MTCL2: variants seen among roughly 807,000 people sequenced by gnomAD.
The protein encoded by MTCL2 is microtubule crosslinking factor 2.
the MTCL2 span, among the ~76,000 whole-genome samples, chr20:36,790,580 G>T: frequency 2.0e-5 from 3 of 151,490 alleles, no homozygotes; most frequent in Non-Finnish European, 4.4e-5. Context: ...GACTATAGGC[G>T]CATGCTGCCA....
the MTCL2 span, chr20:36,812,683 C>T: frequency 6.2e-7 from 1 of 1,611,678 alleles, no homozygotes; most frequent in Non-Finnish European, 8.5e-7. Flanking sequence ...CAATCCCATG[C>T]TTGCTCAGGC....
the MTCL2 span, chr20:36,859,863 G>A: frequency 4.5e-4 from 560 of 1,231,632 alleles, no homozygotes; most frequent in Admixed American, 1.5e-3. Flanking sequence ...CAGAAAGGCA[G>A]AAAACACATC....
the MTCL2 span, chr20:36,804,837 G>C: frequency 6.2e-7 from 1 of 1,613,984 alleles, no homozygotes; most frequent in Admixed American, 1.7e-5. Context: ...GTTCATCCCG[G>C]AGCAGCCAGC....
the MTCL2 span, among the ~76,000 whole-genome samples, chr20:36,851,420 C>T: frequency 6.6e-6 from 1 of 152,224 alleles, no homozygotes. Context: ...GCCCCGTCCA[C>T]TTCTCCATCT....
At chr20:36,780,310 G>C in the MTCL2 span, 1 of 152,116 alleles carries the variant, frequency 6.6e-6, no homozygotes, top group African/African-American at 2.4e-5. Context: ...GGGGACAGGG[G>C]GAGTGGGGAG....
chr20:36,799,554 TAG>T, the MTCL2 span, among the ~76,000 whole-genome samples: 1 of 151,442 alleles, frequency 6.6e-6, no homozygotes, highest in Non-Finnish European at 1.5e-5. Context: ...CCAGGCATGG[TAG>T]AGTGTGCTCC....
the MTCL2 span, chr20:36,839,070 A>G: frequency 1.5e-6 from 1 of 677,084 alleles, no homozygotes; most frequent in East Asian, 2.7e-5. The surrounding 1 kb of genome is among the most constrained non-coding windows in gnomAD (Gnocchi z 5.1). Flanking sequence ...GTTCACCAGG[A>G]ATTCCTACTT....
chr20:36,811,377 C>CA, the MTCL2 span, among the ~76,000 whole-genome samples: 1 of 151,998 alleles, frequency 6.6e-6, no homozygotes, highest in Non-Finnish European at 1.5e-5. Flanking sequence ...GCCTGTAATA[C>CA]CAGCACTTTG....
the MTCL2 span, among the ~76,000 whole-genome samples, chr20:36,796,318 T>G: frequency 1.3e-5 from 2 of 152,242 alleles, no homozygotes; most frequent in African/African-American, 4.8e-5. Context: ...CTGGCAGGGC[T>G]GGCATTCAAA....
the MTCL2 span, among the ~76,000 whole-genome samples, chr20:36,806,597 G>A: frequency 6.6e-6 from 1 of 151,914 alleles, no homozygotes; most frequent in Non-Finnish European, 1.5e-5. Flanking sequence ...TTAGCTCACT[G>A]CAACCTCTGC....
At chr20:36,777,538 A>G in the MTCL2 span, 2 of 405,556 alleles carry the variant, frequency 4.9e-6, no homozygotes, top group Admixed American at 8.9e-5. Flanking sequence ...GAAATAAGAC[A>G]CAGGGGCAGG....
chr20:36,841,858 C>T, the MTCL2 span, among the ~76,000 whole-genome samples: 3 of 107,588 alleles, frequency 2.8e-5, no homozygotes, highest in Non-Finnish European at 4.0e-5. Context: ...AACCCCACAT[C>T]GGGGGTGGGG....
At chr20:36,795,453 T>A in the MTCL2 span, among the ~76,000 whole-genome samples, 1 of 152,148 alleles carries the variant, frequency 6.6e-6, no homozygotes, top group African/African-American at 2.4e-5. Flanking sequence ...TCCACCATTC[T>A]CTATCTGATG....
At chr20:36,825,253 A>G in the MTCL2 span, among the ~76,000 whole-genome samples, 1 of 152,112 alleles carries the variant, frequency 6.6e-6, no homozygotes, top group Non-Finnish European at 1.5e-5. Context: ...CAAACTGTAC[A>G]CTTTTAAATG....
the MTCL2 span, among the ~76,000 whole-genome samples, chr20:36,840,579 G>A: frequency 6.6e-6 from 1 of 151,940 alleles, no homozygotes; most frequent in Non-Finnish European, 1.5e-5. Context: ...GTTGGGCACG[G>A]TGGCTCATGC....
chr20:36,797,528 C>T, the MTCL2 span: 2 of 1,556,120 alleles, frequency 1.3e-6, no homozygotes, highest in South Asian at 2.4e-5. Flanking sequence ...TCCTGCTTCT[C>T]CAGCTCCGAG....
At chr20:36,844,360 A>G in the MTCL2 span, among the ~76,000 whole-genome samples, 1 of 151,672 alleles carries the variant, frequency 6.6e-6, no homozygotes, top group African/African-American at 2.4e-5. Context: ...GTTGAAGACC[A>G]GCCTGGGCAA....
At chr20:36,862,823 G>A in the MTCL2 span, 1 of 1,346,580 alleles carries the variant, frequency 7.4e-7, no homozygotes, top group East Asian at 3.1e-5. Flanking sequence ...CGTCCGGGGA[G>A]GCGGGCGGCC....
chr20:36,850,230 C>T, the MTCL2 span, among the ~76,000 whole-genome samples: 20 of 152,124 alleles, frequency 1.3e-4, no homozygotes, highest in Non-Finnish European at 2.4e-4. Flanking sequence ...CTGTTTCCCA[C>T]CTCAAAAGCC....
Sources: gnomAD v4.1 joint callset for allele counts (sites outside exome capture counted in the v4.1 genomes callset) on GRCh38, gnomAD v4.1.1 for gene constraint, Gnocchi (gnomAD v3.1) non-coding constraint, MANE v1.5 for transcripts, NCBI Gene and HGNC (gene_info 2026-07-23, HGNC 2026-07-21) for gene names.